Variants in ANK2 observed in about 807,000 individuals in gnomAD.
The protein encoded by ANK2 is ankyrin-2.
A neutral mutation model predicts 360.5 loss-of-function variants in ANK2; 83 were observed. That is an observed-to-expected ratio of 0.23 (90% CI 0.19 to 0.28). The LOEUF is 0.28. Among genes scored for constraint, ANK2 ranks in the 10% least tolerant of loss-of-function variants. The pLI is 1.00. For synonymous variants in ANK2, 1,740 were observed against 1,759.5 expected (o/e 0.99, Z 0.28); for missense variants, 4,201 against 4,795.7 (o/e 0.88, Z 3.66).
intron 2 of ANK2, among the ~76,000 whole-genome samples, chr4:112,987,654 T>A (rs537046074): frequency 6.6e-6 from 1 of 151,386 alleles, no homozygotes; most frequent in South Asian, 2.1e-4. Flanking sequence ...TGGAAAAAAA[T>A]GTAATTCAGG....
At position 113,353,708 on chromosome 4, in the gene ANK2, G is replaced by C. The variant is rs565088023; in HGVS notation, c.5090G>C (p.Ser1697Thr). The change falls in exon 38 of 46, where the codon AGC (serine) becomes ACC (threonine). Residue 1697 changes from serine (S) to threonine (T), a missense_variant. By Grantham distance (58) the Ser-to-Thr change is moderately conservative. Around this residue, in one of 4 missense-constraint regions of ANK2, gnomAD observed 2,642 missense variants for 2,714.5 expected, o/e 0.97. Coordinates refer to ENST00000357077, the MANE Select transcript of ANK2 (RefSeq NM_001148.6). ...AGTACACAGAAACAGCACAAACCAA[G>C]CTTGGGAATAAAGAAGCCAGTAAGA... ...TQSTQKQHKP[S>T]LGIKKPVRRK... The C allele has an allele frequency of 5.6e-6, 9 of 1,613,794 alleles. No homozygotes were observed. The South Asian group carries it at 8.8e-5, about 16-fold the overall frequency.
intron 3 of ANK2, among the ~76,000 whole-genome samples, chr4:113,198,656 T>C (rs1278433614): frequency 1.3e-5 from 2 of 152,188 alleles, no homozygotes; most frequent in Non-Finnish European, 2.9e-5. Context: ...AACCTTTTTT[T>C]AGTTAATATT....
chr4:112,905,754 C>A (rs534376279), intron 2 of ANK2, among the ~76,000 whole-genome samples: 1 of 152,160 alleles, frequency 6.6e-6, no homozygotes, highest in African/African-American at 2.4e-5. Flanking sequence ...CTCCACCTTC[C>A]GGGCTCAAGT....
chr4:113,347,049 T>C (rs1321962469), intron 35 of ANK2, among the ~76,000 whole-genome samples: 1 of 152,122 alleles, frequency 6.6e-6, no homozygotes, highest in Non-Finnish European at 1.5e-5. Flanking sequence ...TGCTGAGACC[T>C]GGAGGGGAAG....
intron 10 of ANK2, among the ~76,000 whole-genome samples, chr4:113,253,020 A>G (rs556745034): frequency 4.6e-5 from 7 of 152,238 alleles, no homozygotes; most frequent in African/African-American, 1.4e-4. Context: ...TTCATTTCCC[A>G]TAACACTGAG....
the ANK2 span, among the ~76,000 whole-genome samples, chr4:112,742,196 C>A: frequency 6.6e-6 from 1 of 152,070 alleles, no homozygotes; most frequent in Non-Finnish European, 1.5e-5. Context: ...GCAGGAGGAT[C>A]TCTTGAGCTC....
chr4:113,231,114 C>T (rs2099294224), intron 4 of ANK2, among the ~76,000 whole-genome samples: 2 of 149,584 alleles, frequency 1.3e-5, no homozygotes, highest in African/African-American at 4.9e-5. Flanking sequence ...TGCAGTGGCG[C>T]GATCTTGGCT....
At chr4:113,370,966 T>TTGAATTAAACTTAATTTAATA (rs1033562011) in intron 43 of ANK2, among the ~76,000 whole-genome samples, 1 of 152,100 alleles carries the variant, frequency 6.6e-6, no homozygotes, top group Non-Finnish European at 1.5e-5. Context: ...GAGAATCTGT[T>TTGAATTAAACTTAATTTAATA]TGAATTAAAC....
At chr4:112,915,955 A>G (rs1199177326) in intron 2 of ANK2, among the ~76,000 whole-genome samples, 1 of 152,068 alleles carries the variant, frequency 6.6e-6, no homozygotes, top group Admixed American at 6.6e-5. Flanking sequence ...ACGGAACATA[A>G]AAAATTAATA....
Position 113,373,080 on chromosome 4 carries a change from A to C in ANK2, c.11611-10A>C. 1 of 1,612,416 alleles carries C rather than the reference A, an allele frequency of 6.2e-7. No individual in the cohort carries two copies. The highest frequency in any genetic ancestry group is 2.2e-5 in the East Asian group (1 of 44,866). On this transcript the variant is annotated splice_polypyrimidine_tract_variant and intron_variant, in intron 43 of 45. Transcript: ENST00000357077. ...AACACCACAGTGACCCTTTTCTCTC[A>C]ACTGTTTAGGGAGACGATATGCCTG...
chr4:112,775,396 G>A, the ANK2 span, among the ~76,000 whole-genome samples: 7 of 151,984 alleles, frequency 4.6e-5, no homozygotes, highest in Non-Finnish European at 8.8e-5. Context: ...GCACGTGCCT[G>A]TAATCCCAGA....
rs200799668 is a variant in ANK2, at chr4:113,255,907, G to C, written c.1163G>C (p.Arg388Thr). ...GTAACCAAACTCCTTTTAGACAAGA[G>C]AGCCAATCCGAACGCCAGAGCCCTG... ...YRVTKLLLDK[R>T]ANPNARALNG... is the part of the protein sequence containing the mutation. Residue 388 changes from arginine to threonine, a missense_variant, in exon 11 of 46, where the codon AGA becomes ACA. Coordinates refer to ENST00000357077, the MANE Select transcript of ANK2 (RefSeq NM_001148.6). 1.2e-6 allele frequency: 2 copies of C among 1,614,184 alleles called. No homozygotes were observed. Among genetic ancestry groups the C allele is most frequent in the Non-Finnish European group, 1.7e-6 (2 of 1,180,038 alleles).
chr4:113,053,146 A>G (rs1032588747), intron 1 of ANK2, among the ~76,000 whole-genome samples: 1 of 152,064 alleles, frequency 6.6e-6, no homozygotes, highest in Admixed American at 6.6e-5. Context: ...TGCTTTGAGA[A>G]ATTTTTTATG....
intron 4 of ANK2, among the ~76,000 whole-genome samples, chr4:113,216,624 C>T (rs1474078045): frequency 6.6e-6 from 1 of 152,178 alleles, no homozygotes; most frequent in African/African-American, 2.4e-5. Context: ...CTCCAGTAAA[C>T]ACATCTAACA....
At chr4:112,715,469 G>A in the ANK2 span, among the ~76,000 whole-genome samples, 1 of 152,150 alleles carries the variant, frequency 6.6e-6, no homozygotes, top group African/African-American at 2.4e-5. Flanking sequence ...TGAGAACTAG[G>A]TTAACACAAA....
chr4:113,108,745 A>G (rs1310473617), intron 1 of ANK2, among the ~76,000 whole-genome samples: 1 of 152,228 alleles, frequency 6.6e-6, no homozygotes, highest in East Asian at 1.9e-4. Flanking sequence ...TGAAACAGAA[A>G]AAAAAACTCT....
rs572403014 is a variant in ANK2, at chr4:113,012,128, G to A, written c.21+107614G>A. 3.4e-4 allele frequency among the ~76,000 whole-genome samples: 51 copies of A among 152,224 alleles called. No homozygotes were observed. The South Asian group carries it at 1.0e-2, about 30-fold the overall frequency. Reference sequence around the variant, plus strand: ...ATAACAGAAACTGCATGTATATAGAGATTGGATTATTTACCACGAAAATGC... The same window carrying A: ...ATAACAGAAACTGCATGTATATAGAAATTGGATTATTTACCACGAAAATGC... On this transcript the variant is annotated intron_variant, in intron 2 of 30. Coordinates refer to the ANK2 transcript ENST00000503271.
At chr4:113,352,645 TTTTC>T (rs1254136432) in intron 37 of ANK2, among the ~76,000 whole-genome samples, 8 of 151,788 alleles carry the variant, frequency 5.3e-5, no homozygotes, top group East Asian at 1.9e-4. Flanking sequence ...TCATGGTTGG[TTTTC>T]TTTTTTTTTT....
intron 6 of ANK2, 100 bp from the exon 7 acceptor site, chr4:113,237,499 G>T: frequency 8.3e-7 from 1 of 1,209,364 alleles, no homozygotes; most frequent in South Asian, 1.2e-5. Context: ...ATTTTGCCAT[G>T]TTGGAACAGT....
Sources: allele counts gnomAD v4.1 joint callset (sites outside exome capture counted in the v4.1 genomes callset), GRCh38; gene constraint gnomAD v4.1.1; regional missense constraint gnomAD v4.1.1; transcripts MANE v1.5; gene names NCBI Gene and HGNC (gene_info 2026-07-23, HGNC 2026-07-21).